Variants in ANO1 observed in about 807,000 individuals in gnomAD.
ANO1 encodes anoctamin-1.
In ANO1, 59 loss-of-function variants were observed where a neutral mutation model predicts 124.0. The ratio of observed to expected loss-of-function variants is 0.48; its 90% CI spans 0.39 to 0.59. The LOEUF (loss-of-function observed/expected upper bound fraction) is 0.59, where lower values mean the gene tolerates loss of function less well. Ranked by LOEUF, ANO1 falls within the 20% of genes least tolerant of loss-of-function variation. The pLI is 0.00. For synonymous variants in ANO1, 529 were observed against 532.0 expected (o/e 0.99, Z 0.08); for missense variants, 1,059 against 1,328.0 (o/e 0.80, Z 3.15).
intron 1 of ANO1, among the ~76,000 whole-genome samples, chr11:70,021,860 G>A (rs757651009): frequency 2.6e-5 from 4 of 152,260 alleles, no homozygotes; most frequent in South Asian, 2.1e-4. Flanking sequence ...AGGAGCGTGC[G>A]AACTGAATCC....
intron 8 of ANO1, among the ~76,000 whole-genome samples, chr11:70,122,363 C>A (rs1262609044): frequency 7.5e-6 from 1 of 133,974 alleles, no homozygotes; most frequent in African/African-American, 2.8e-5. Flanking sequence ...CTCTCTCTCT[C>A]CGTCTCCCCC....
intron 1 of ANO1, among the ~76,000 whole-genome samples, chr11:69,988,287 C>T (rs1183583452): frequency 1.3e-5 from 2 of 152,230 alleles, no homozygotes; most frequent in Non-Finnish European, 2.9e-5. Flanking sequence ...AAGCACTTAT[C>T]TTGTGAAGTA....
chr11:70,182,778 C>A, intron 24 of ANO1, 92 bp downstream of exon 24: 12 of 1,101,692 alleles, frequency 1.1e-5, no homozygotes, highest in South Asian at 5.4e-5. Context: ...AGGAGCAAGT[C>A]ATGAAACAAC....
chr11:70,124,701 TC>T (rs1238382771), intron 9 of ANO1, among the ~76,000 whole-genome samples: 1 of 152,126 alleles, frequency 6.6e-6, no homozygotes, highest in East Asian at 1.9e-4. Flanking sequence ...GGGAGGGTTT[TC>T]CGGATTTGAG....
intron 11 of ANO1, among the ~76,000 whole-genome samples, chr11:70,134,328 C>T (rs1590824171): frequency 6.6e-6 from 1 of 152,202 alleles, no homozygotes; most frequent in East Asian, 1.9e-4. Flanking sequence ...ACTGAGCCCC[C>T]TGAGCCACTA....
At chr11:70,179,488 T>C (rs1046851264) in intron 22 of ANO1, among the ~76,000 whole-genome samples, 5 of 152,184 alleles carry the variant, frequency 3.3e-5, no homozygotes, top group African/African-American at 1.2e-4. Flanking sequence ...CCCTGGGTCT[T>C]GGAGTAAAGG....
intron 1 of ANO1, among the ~76,000 whole-genome samples, chr11:70,030,941 C>A (rs80074047): frequency 6.6e-6 from 1 of 152,060 alleles, no homozygotes; most frequent in Non-Finnish European, 1.5e-5. Flanking sequence ...GTGGTGGTTT[C>A]GTTTTGTTTT....
intron 7 of ANO1, among the ~76,000 whole-genome samples, chr11:70,112,068 C>T (rs970908442): frequency 1.3e-5 from 2 of 152,206 alleles, no homozygotes; most frequent in Non-Finnish European, 2.9e-5. Context: ...CTGGCCTGGG[C>T]TCCCCTACCC....
intron 2 of ANO1, among the ~76,000 whole-genome samples, chr11:70,101,433 G>A (rs987290008): frequency 6.6e-6 from 1 of 151,938 alleles, no homozygotes; most frequent in African/African-American, 2.4e-5. Context: ...GTGCATGCCT[G>A]TAATCCCAGC....
intron 19 of ANO1, among the ~76,000 whole-genome samples, chr11:70,165,097 G>C (rs1256549622): frequency 6.6e-6 from 1 of 152,154 alleles, no homozygotes; most frequent in African/African-American, 2.4e-5. Context: ...GGGAGGACCT[G>C]CCTTGCCTCT....
intron 1 of ANO1, among the ~76,000 whole-genome samples, chr11:69,987,083 GC>G (rs1229109045): frequency 6.6e-6 from 1 of 152,040 alleles, no homozygotes. Context: ...TCTGATGCGT[GC>G]CTTTCAAACA....
rs377739489 is a variant in ANO1, at chr11:70,017,639, C to T, written c.58+31473C>T. 2.6e-4 allele frequency among the ~76,000 whole-genome samples: 40 copies of T among 152,084 alleles called. No individual in the cohort carries two copies. The East Asian group carries it at 3.9e-3, about 15-fold the overall frequency. ...AAGGGAGCCTCCCACCTCAGCCTTCCGAGTAGCTGGGATTACGGGTGTGCA... is the reference window on the plus strand; with the variant it reads ...AAGGGAGCCTCCCACCTCAGCCTTCTGAGTAGCTGGGATTACGGGTGTGCA... On this transcript the variant is annotated intron_variant, in intron 1 of 27. Coordinates refer to the ANO1 transcript ENST00000531349.
At chr11:69,969,898 G>C in the ANO1 span, among the ~76,000 whole-genome samples, 38 of 152,262 alleles carry the variant, frequency 2.5e-4, 1 homozygote, top group African/African-American at 8.9e-4. Context: ...AGTGAGCTGA[G>C]ATCATGCCAC....
chr11:69,970,088 G>T, the ANO1 span, among the ~76,000 whole-genome samples: 1 of 152,204 alleles, frequency 6.6e-6, no homozygotes, highest in Non-Finnish European at 1.5e-5. Flanking sequence ...GGGTGAGGGT[G>T]ACGTGTTCTC....
At chr11:70,051,995 T>C (rs1368269970) in intron 1 of ANO1, among the ~76,000 whole-genome samples, 1 of 152,260 alleles carries the variant, frequency 6.6e-6, no homozygotes, top group Admixed American at 6.5e-5. Flanking sequence ...TCCTGTGGTA[T>C]ATTCTAGAAG....
chr11:70,060,028 G>A (rs1857538632), intron 1 of ANO1, among the ~76,000 whole-genome samples: 1 of 136,548 alleles, frequency 7.3e-6, no homozygotes. Context: ...GTAGGTTTCT[G>A]GTGTCCTTTA....
intron 11 of ANO1, among the ~76,000 whole-genome samples, chr11:70,147,461 G>A (rs2047428500): frequency 6.6e-6 from 1 of 152,212 alleles, no homozygotes; most frequent in Non-Finnish European, 1.5e-5. Flanking sequence ...ACCAGCCATG[G>A]TGCTCAGTGC....
chr11:70,156,789 G>A (rs1032815032), intron 15 of ANO1, among the ~76,000 whole-genome samples, 158 bp from the exon 16 acceptor site: 1 of 152,174 alleles, frequency 6.6e-6, no homozygotes, highest in Non-Finnish European at 1.5e-5. Context: ...GTTTGCACTG[G>A]CTCATCACCT....
At chr11:70,024,560 C>T (rs933098291) in intron 1 of ANO1, among the ~76,000 whole-genome samples, 3 of 152,200 alleles carry the variant, frequency 2.0e-5, no homozygotes, top group Admixed American at 2.0e-4. Flanking sequence ...CAAGGGCTCC[C>T]TGGGCACCGT....
Sources: gnomAD v4.1 joint callset for allele counts (sites outside exome capture counted in the v4.1 genomes callset) on GRCh38, gnomAD v4.1.1 for gene constraint, MANE v1.5 for transcripts, NCBI Gene and HGNC (gene_info 2026-07-23, HGNC 2026-07-21) for gene names.